KDM5A: variants seen among roughly 807,000 people sequenced by gnomAD.
KDM5A encodes lysine demethylase 5A.
A neutral mutation model predicts 193.5 loss-of-function variants in KDM5A; 42 were observed. That is an observed-to-expected ratio of 0.22 (90% CI 0.17 to 0.28). The LOEUF (loss-of-function observed/expected upper bound fraction) is 0.28, where lower values mean the gene tolerates loss of function less well. Ranked by LOEUF, KDM5A falls within the 10% of genes least tolerant of loss-of-function variation. The pLI, the probability that KDM5A is intolerant of heterozygous loss-of-function variation, is 1.00. For synonymous variants in KDM5A, 796 were observed against 718.1 expected, an observed-to-expected ratio of 1.11 and a Z score of -1.73; for missense variants, 1,692 against 2,055.1, an observed-to-expected ratio of 0.82 and a Z score of 3.42.
At position 307,147 on chromosome 12, in the gene KDM5A, T is replaced by C; in HGVS notation, c.3931-58A>G. On this transcript the variant is annotated intron_variant, in intron 23 of 27. Transcript: ENST00000399788. This position sits in a 1 kb window ranked among gnomAD's most constrained non-coding sequence, Gnocchi z 4.3. Reference sequence around the variant, plus strand: ...AGACATGCTAAACAGACAGGGTAATTAATGTGTGCTTAAGATCACCAAAAT... The same window carrying C: ...AGACATGCTAAACAGACAGGGTAATCAATGTGTGCTTAAGATCACCAAAAT... 6.3e-7 allele frequency: 1 copy of C among 1,599,148 alleles called. No homozygotes were observed. Among genetic ancestry groups the C allele is most frequent in the South Asian group, 1.1e-5 (1 of 90,718 alleles).
Position 318,150 on chromosome 12 carries a change from G to A in KDM5A, c.2853C>T (p.Val951=), listed in dbSNP as rs1404049198. 1.9e-6 allele frequency: 3 copies of A among 1,614,212 alleles called. No individual in the cohort carries two copies. Among genetic ancestry groups the A allele is most frequent in the South Asian group, 1.1e-5 (1 of 91,070 alleles). ...TAGCCTTTTCTTCCCATCGTTCAGA[G>A]ACTGTAAGGAGCTCCTGTAGTTCAG... ...AMAELQELLT[V]SERWEEKAKV... is the part of the protein sequence containing the mutation. Residue 951 remains valine (V), a synonymous_variant, in exon 19 of 28, where the codon GTC becomes GTT. Transcript: ENST00000399788.
intron 24 of KDM5A, among the ~76,000 whole-genome samples, chr12:304,156 C>T (rs1013927638): frequency 3.9e-5 from 6 of 152,150 alleles, no homozygotes; most frequent in African/African-American, 1.4e-4. Flanking sequence ...ACAGACTTTG[C>T]TTCATTAAAT....
At chr12:290,886 A>C (rs1238910895) in intron 27 of KDM5A, among the ~76,000 whole-genome samples, 2 of 152,200 alleles carry the variant, frequency 1.3e-5, no homozygotes, top group African/African-American at 4.8e-5. Context: ...AACATTATAG[A>C]AAGAATGTCA....
At chr12:388,747 C>G (rs537283396) in intron 1 of KDM5A, among the ~76,000 whole-genome samples, 180 bp downstream of exon 1, 2 of 152,338 alleles carry the variant, frequency 1.3e-5, no homozygotes, top group South Asian at 2.1e-4. Context: ...TTCTCGCTTT[C>G]AGACGTGTCT....
chr12:384,927 C>T (rs750822861), intron 2 of KDM5A, among the ~76,000 whole-genome samples: 1 of 152,146 alleles, frequency 6.6e-6, no homozygotes, highest in Non-Finnish European at 1.5e-5. Context: ...CGGTAGCTCA[C>T]GCCTGTAATC....
intron 10 of KDM5A, among the ~76,000 whole-genome samples, chr12:347,785 T>C (rs890479181): frequency 3.9e-5 from 6 of 152,248 alleles, no homozygotes; most frequent in East Asian, 1.9e-4. Context: ...AAGACTTAAA[T>C]GTTAGACTTA....
At position 307,646 on chromosome 12, in the gene KDM5A, C is replaced by T. The variant is rs200529498; in HGVS notation, c.3738G>A (p.Leu1246=). Residue 1246 remains leucine (L), a synonymous_variant, in exon 23 of 28, where the codon CTG becomes CTA. Coordinates refer to ENST00000399788, the MANE Select transcript of KDM5A (RefSeq NM_001042603.3). The surrounding 1 kb of genome is among the most constrained non-coding windows in gnomAD (Gnocchi z 4.3). Reference sequence around the variant, plus strand: ...TCATAGCACGTTCTGTCAAACACTGCAGGGCCTCTCCTTCAGGCAACCGTA... The same window carrying T: ...TCATAGCACGTTCTGTCAAACACTGTAGGGCCTCTCCTTCAGGCAACCGTA... ...LPVRLPEGEA[L]QCLTERAMSW... is the part of the protein sequence containing the mutation. The T allele has an allele frequency of 6.2e-7, 1 of 1,614,218 alleles. No individual in the cohort carries two copies. The highest frequency in any genetic ancestry group is 8.5e-7 in the Non-Finnish European group (1 of 1,180,026).
chr12:297,232 T>C, intron 24 of KDM5A, 32 bp from the exon 25 acceptor site: 1 of 1,607,768 alleles, frequency 6.2e-7, no homozygotes, highest in Non-Finnish European at 8.5e-7. Flanking sequence ...GTATTCAGAA[T>C]TAGAGTCATT....
At chr12:308,817 C>T (rs537789163) in intron 22 of KDM5A, among the ~76,000 whole-genome samples, 1 of 152,288 alleles carries the variant, frequency 6.6e-6, no homozygotes, top group African/African-American at 2.4e-5. Flanking sequence ...ACATGCAATT[C>T]CCTACTTTTA....
In KDM5A at chr12:307,564, C is replaced by G. The variant is rs2137387914; in HGVS notation, c.3820G>C (p.Ala1274Pro). 6.2e-7 allele frequency: 1 copy of G among 1,614,098 alleles called. No individual in the cohort carries two copies. The highest frequency in any genetic ancestry group is 1.7e-5 in the Admixed American group (1 of 60,022). Residue 1274 changes from alanine to proline, a missense_variant, in exon 23 of 28, where the codon GCC becomes CCC. By Grantham distance (27) the Ala-to-Pro change is conservative. Around this residue, in one of 11 missense-constraint regions of KDM5A, gnomAD observed 965 missense variants for 1,061.0 expected, o/e 0.91. Transcript: ENST00000399788. The surrounding 1 kb of genome is among the most constrained non-coding windows in gnomAD (Gnocchi z 4.3). Reference sequence around the variant, plus strand: ...CGCTGGCTCAACACAGATAGTTTGGCCAGGGCAGAGGATAGTTCATCTGTG... The same window carrying G: ...CGCTGGCTCAACACAGATAGTTTGGGCAGGGCAGAGGATAGTTCATCTGTG... ...LATDELSSAL[A>P]KLSVLSQRMV...
chr12:354,361 T>TA (rs1944204158), intron 7 of KDM5A, 127 bp from the exon 8 acceptor site: 1 of 685,288 alleles, frequency 1.5e-6, no homozygotes, highest in African/African-American at 1.8e-5. Flanking sequence ...ATCCTGAATG[T>TA]CTATTTCAAG....
chr12:387,884 C>G (rs890287761), intron 1 of KDM5A, among the ~76,000 whole-genome samples: 3 of 152,136 alleles, frequency 2.0e-5, no homozygotes, highest in African/African-American at 7.2e-5. Context: ...TTTTAAAAAG[C>G]AACACTGGTT....
Position 307,954 on chromosome 12 carries a change from G to C in KDM5A, c.3430C>G (p.Leu1144Val). 1.9e-6 allele frequency: 3 copies of C among 1,614,154 alleles called. No individual in the cohort carries two copies. The highest frequency in any genetic ancestry group is 2.5e-6 in the Non-Finnish European group (3 of 1,180,038). ...ATCTTGGCTAGGTTGGCTGCTCTGA[G>C]AGAATGCATGGCTTCAATCTCTTTT... ...EQKEIEAMHS[L>V]RAANLAKMTM... The change falls in exon 23 of 28, where the codon CTC (leucine) becomes GTC (valine). Residue 1144 changes from leucine (L) to valine (V), a missense_variant. By Grantham distance (32) the Leu-to-Val change is conservative. Coordinates refer to ENST00000399788, the MANE Select transcript of KDM5A (RefSeq NM_001042603.3). This position sits in a 1 kb window ranked among gnomAD's most constrained non-coding sequence, Gnocchi z 4.3.
rs906875026 is a variant in KDM5A at position 284,006 on chromosome 12, G to A, written c.*1450C>T. On this transcript the variant is annotated 3_prime_UTR_variant, in exon 28 of 28. Transcript: ENST00000399788. ...TGAGACCAAGTTTCCCAACAGACAG[G>A]GACAAGTCCCAACACACAAAGGACA... is the stretch of plus-strand genomic sequence containing the variant. 1 of 232,980 alleles carries A rather than the reference G, an allele frequency of 4.3e-6. No homozygotes were observed. The highest frequency in any genetic ancestry group is 8.5e-6 in the Non-Finnish European group (1 of 117,834). 14.4% of individuals were successfully genotyped at this position (232,980 alleles called of 1,614,324 possible). A position where few individuals can be genotyped will look rare whatever the true frequency, so the allele number is the denominator to read the frequency against.
At position 327,742 on chromosome 12, in the gene KDM5A, G is replaced by A. The variant is rs187335309; in HGVS notation, c.1968+1093C>T. Among the ~76,000 whole-genome samples the A allele has an allele frequency of 2.9e-3, 447 of 152,230 alleles. 2 individuals are homozygous for A. The highest frequency in any genetic ancestry group is 0.01 in the African/African-American group (429 of 41,524). ...AAAAAGAGAACACAGGCCAGGTGTG[G>A]TGGCTCATGCCTGTAATCCCAACAC... is the stretch of plus-strand genomic sequence containing the variant. On this transcript the variant is annotated intron_variant, in intron 14 of 27. Coordinates refer to ENST00000399788, the MANE Select transcript of KDM5A (RefSeq NM_001042603.3).
Position 356,455 on chromosome 12 carries a change from G to A in KDM5A, c.755C>T (p.Ala252Val), listed in dbSNP as rs755033897. 6.2e-7 allele frequency: 1 copy of A among 1,610,270 alleles called. No individual in the cohort carries two copies. The highest frequency in any genetic ancestry group is 8.5e-7 in the Non-Finnish European group (1 of 1,176,686). The change falls in exon 6 of 28, where the codon GCA (alanine) becomes GTA (valine). Residue 252 changes from alanine (A) to valine (V), a missense_variant. Transcript: ENST00000399788. Reference protein sequence around the residue: ...FGAGPKVVGLAMGTKDKEDEV... With the variant: ...FGAGPKVVGLVMGTKDKEDEV... Reference sequence around the variant, plus strand: ...ACCTTCTTTATCTTTTGTTCCCATTGCCAAGCCCACAACCTTGGGCCCAGC... The same window carrying A: ...ACCTTCTTTATCTTTTGTTCCCATTACCAAGCCCACAACCTTGGGCCCAGC...
chr12:318,056 A>G (rs775964549), intron 19 of KDM5A, 50 bp downstream of exon 19: 1 of 1,351,686 alleles, frequency 7.4e-7, no homozygotes, highest in Non-Finnish European at 1.1e-6. Flanking sequence ...TTCCCACTCT[A>G]CCTTCTGACT....
intron 26 of KDM5A, among the ~76,000 whole-genome samples, chr12:293,704 G>C (rs899891317): frequency 6.7e-6 from 1 of 149,602 alleles, no homozygotes; most frequent in Non-Finnish European, 1.5e-5. Flanking sequence ...GCTTGATCCC[G>C]GGAGGCGGAG....
chr12:377,291 CA>C (rs1356107871), intron 3 of KDM5A, among the ~76,000 whole-genome samples: 1 of 150,906 alleles, frequency 6.6e-6, no homozygotes, highest in Non-Finnish European at 1.5e-5. Flanking sequence ...AATAAAGAGT[CA>C]AAAAGAAGAG....
Sources: allele counts gnomAD v4.1 joint callset (sites outside exome capture counted in the v4.1 genomes callset), GRCh38; gene constraint gnomAD v4.1.1; regional missense constraint gnomAD v4.1.1; non-coding constraint Gnocchi (gnomAD v3.1); transcripts MANE v1.5; gene names NCBI Gene and HGNC (gene_info 2026-07-23, HGNC 2026-07-21).